The following ERN2 variants were observed in gnomAD, a reference collection of about 807,000 sequenced individuals.
ERN2 encodes the protein serine/threonine-protein kinase/endoribonuclease IRE2.
In ERN2, 111 loss-of-function variants were observed where a neutral mutation model predicts 107.9. The observed-to-expected ratio is 1.03, with a 90% CI of 0.88 to 1.20. ERN2 has a LOEUF of 1.20. ERN2 is among the 50% of genes most tolerant of loss of function. The pLI is 0.00. For missense variants in ERN2, 1,225 were observed against 1,197.9 expected (o/e 1.02, Z -0.33); for synonymous variants, 524 against 501.7 (o/e 1.04, Z -0.59).
chr16:23,710,628 T>C, intron 2 of ERN2, 79 bp from the exon 3 acceptor site: 2 of 1,497,376 alleles, frequency 1.3e-6, no homozygotes, highest in Non-Finnish European at 1.9e-6. Flanking sequence ...CACTGAGCTA[T>C]GGCATGACTG....
rs1959630990 is a variant in ERN2 at position 23,692,288 on chromosome 16, T to C, written c.2144A>G (p.Tyr715Cys). ...DIFSAGCVFYYVLSGGSHPFG... is the reference protein window; with the variant it reads ...DIFSAGCVFYCVLSGGSHPFG... ...GGGGTGGCTGCCACCAGAAAGCACGTAGTAGAACACGCAGCCTGCAGAGAA... is the reference window on the plus strand; with the variant it reads ...GGGGTGGCTGCCACCAGAAAGCACGCAGTAGAACACGCAGCCTGCAGAGAA... The change falls in exon 18 of 22, where the codon TAC (tyrosine) becomes TGC (cysteine). Residue 715 changes from tyrosine to cysteine, a missense_variant. Physicochemically the swap from Tyr to Cys is radical, Grantham distance 194 (BLOSUM62 -2). Transcript: ENST00000256797. 1.2e-6 allele frequency: 2 copies of C among 1,613,994 alleles called. No individual in the cohort carries two copies. Among genetic ancestry groups the C allele is most frequent in the African/African-American group, 2.7e-5 (2 of 75,028 alleles).
intron 13 of ERN2, among the ~76,000 whole-genome samples, chr16:23,699,708 C>T (rs780292369): frequency 6.6e-6 from 1 of 152,076 alleles, no homozygotes; most frequent in Non-Finnish European, 1.5e-5. Context: ...CAGGTGTAAG[C>T]CACCATGCCC....
intron 11 of ERN2, 33 bp from the exon 12 acceptor site, chr16:23,701,147 C>G (rs1302413934): frequency 6.3e-7 from 1 of 1,599,794 alleles, no homozygotes; most frequent in Non-Finnish European, 8.5e-7. Flanking sequence ...TTTTAGCACC[C>G]CCTTCCACCA....
intron 11 of ERN2, 52 bp from the exon 12 acceptor site, chr16:23,701,166 C>T (rs772582623): frequency 1.3e-6 from 2 of 1,575,460 alleles, no homozygotes. Context: ...CAGGGAACCC[C>T]TAACTTTTCT....
chr16:23,692,691 C>T (rs925100608), intron 17 of ERN2, among the ~76,000 whole-genome samples: 8 of 151,718 alleles, frequency 5.3e-5, no homozygotes, highest in African/African-American at 1.7e-4. Context: ...TAGCTTCAAC[C>T]GGTTGTCACC....
chr16:23,695,288 T>A lies in ERN2; in HGVS notation c.1712A>T (p.His571Leu), dbSNP rs1959763720. 6.2e-7 allele frequency: 1 copy of A among 1,613,878 alleles called. No homozygotes were observed. Among genetic ancestry groups the A allele is most frequent in the African/African-American group, 1.3e-5 (1 of 74,974 alleles). ...GCAGAAGTAGCGGAGCACGTTGGGG[T>A]GCCTGTCAGACTCCTGCAGCAGTTG... Reference protein sequence around the residue: ...EVQLLQESDRHPNVLRYFCTE... With the variant: ...EVQLLQESDRLPNVLRYFCTE... The change falls in exon 15 of 22, where the codon CAC becomes CTC. Residue 571 changes from histidine (H) to leucine (L), a missense_variant. Coordinates refer to ENST00000256797, the MANE Select transcript of ERN2 (RefSeq NM_033266.4).
In ERN2 at chr16:23,701,033, C is replaced by G; in HGVS notation, c.1285G>C (p.Gly429Arg). 6.2e-7 allele frequency: 1 copy of G among 1,614,048 alleles called. No homozygotes were observed. The highest frequency in any genetic ancestry group is 2.2e-5 in the East Asian group (1 of 44,872). The change falls in exon 12 of 22, where the codon GGA (glycine) becomes CGA (arginine). Residue 429 changes from glycine (G) to arginine (R), a missense_variant. Physicochemically the swap from Gly to Arg is moderately radical, Grantham distance 125 (BLOSUM62 -2). Transcript: ENST00000256797. ...EKTPDSYLGL[G>R]PQDLLAASLT... ...CTAGCTGCCAGCAGGTCTTGGGGTC[C>G]CAGCCCCAAGTAAGAGTCTGGAGTT...
chr16:23,706,249 G>C (rs773895571), intron 7 of ERN2, 81 bp downstream of exon 7: 5 of 962,020 alleles, frequency 5.2e-6, no homozygotes, highest in Non-Finnish European at 6.1e-6. Context: ...ATGTGGCTGG[G>C]AATTGGTCAT....
chr16:23,705,188 T>A (rs374197545), intron 7 of ERN2, 41 bp from the exon 8 acceptor site: 1 of 1,600,908 alleles, frequency 6.2e-7, no homozygotes, highest in Non-Finnish European at 8.5e-7. Context: ...TTGGAAGCTC[T>A]CCTAAGAGGG....
chr16:23,701,018 G>A lies in ERN2; in HGVS notation c.1300C>T (p.Leu434=). Residue 434 remains leucine (L), a synonymous_variant, in exon 12 of 22, where the codon CTG becomes TTG. Transcript: ENST00000256797. ...SYLGLGPQDL[L]AASLTAVLLG... Reference sequence around the variant, plus strand: ...AGGACAGCAGTGAGGCTAGCTGCCAGCAGGTCTTGGGGTCCCAGCCCCAAG... The same window carrying A: ...AGGACAGCAGTGAGGCTAGCTGCCAACAGGTCTTGGGGTCCCAGCCCCAAG... 6.2e-7 allele frequency: 1 copy of A among 1,614,202 alleles called. No individual in the cohort carries two copies. The highest frequency in any genetic ancestry group is 8.5e-7 in the Non-Finnish European group (1 of 1,180,024).
chr16:23,705,694 C>G (rs1960276737), intron 7 of ERN2, among the ~76,000 whole-genome samples: 1 of 152,162 alleles, frequency 6.6e-6, no homozygotes, highest in South Asian at 2.1e-4. Flanking sequence ...AGGAGGATTA[C>G]TTAAGCCCAG....
chr16:23,703,610 C>G (rs898659952), intron 8 of ERN2, among the ~76,000 whole-genome samples: 6 of 152,302 alleles, frequency 3.9e-5, no homozygotes, highest in African/African-American at 1.4e-4. Flanking sequence ...CCTTAAAACT[C>G]TCCAGTGACT....
Position 23,706,798 on chromosome 16 carries a change from G to T in ERN2, c.443C>A (p.Thr148Asn), listed in dbSNP as rs368309546. The change falls in exon 6 of 22, where the codon ACC becomes AAC. Residue 148 changes from threonine (T) to asparagine (N), a missense_variant. By Grantham distance (65) the Thr-to-Asn change is moderately conservative. Transcript: ENST00000256797. ...GCGGGGGGTGGAGGGACCCTCTGTG[G>T]TCAGTGTCATCTGGGTCTCCCCTGA... Reference protein sequence around the residue: ...PESGETQMTLTTEGPSTPRLY... With the variant: ...PESGETQMTLNTEGPSTPRLY... The T allele has an allele frequency of 9.7e-5, 156 of 1,613,116 alleles. No homozygotes were observed. Among genetic ancestry groups the T allele is most frequent in the Non-Finnish European group, 1.3e-4 (152 of 1,179,700 alleles).
At chr16:23,704,279 T>C (rs973753112) in intron 8 of ERN2, among the ~76,000 whole-genome samples, 6 of 152,220 alleles carry the variant, frequency 3.9e-5, no homozygotes, top group African/African-American at 1.4e-4. Flanking sequence ...AGTCCCCCTC[T>C]GATATGGTTT....
chr16:23,700,491 T>C (rs1168764449), intron 13 of ERN2, 48 bp downstream of exon 13: 7 of 1,547,724 alleles, frequency 4.5e-6, no homozygotes, highest in African/African-American at 1.4e-5. Context: ...AATCTGCCCC[T>C]GGCTTTTCTC....
In ERN2 at chr16:23,691,138, C is replaced by G. The variant is rs768466483; in HGVS notation, c.2559G>C (p.Val853=). The G allele has an allele frequency of 6.6e-5, 107 of 1,613,942 alleles. 1 individual carries two copies. The South Asian group carries it at 9.7e-4, about 15-fold the overall frequency. The change falls in exon 21 of 22, where the codon GTG becomes GTC. Residue 853 remains valine (V), a synonymous_variant. Coordinates refer to ENST00000256797, the MANE Select transcript of ERN2 (RefSeq NM_033266.4). ...AGGCCCCAACACATACCTTGTTCCT[C>G]ACAGCACGGAGCAGGTCTCGCACTG... ...GTSVRDLLRA[V]RNKKHHYREL... is the part of the protein sequence containing the mutation.
intron 6 of ERN2, 105 bp from the exon 7 acceptor site, chr16:23,706,536 C>A: frequency 1.1e-6 from 1 of 884,684 alleles, no homozygotes; most frequent in Non-Finnish European, 1.8e-6. Context: ...AGCACACAGC[C>A]TAGAGACCTG....
intron 8 of ERN2, among the ~76,000 whole-genome samples, chr16:23,703,600 C>T (rs998751643): frequency 3.9e-5 from 6 of 152,198 alleles, no homozygotes; most frequent in Admixed American, 2.0e-4. Flanking sequence ...TCACTTCCTT[C>T]CTTAAAACTC....
intron 8 of ERN2, 42 bp downstream of exon 8, chr16:23,704,841 C>T (rs1275420067): frequency 6.3e-7 from 1 of 1,591,672 alleles, no homozygotes; most frequent in South Asian, 1.1e-5. Context: ...TTGCGACACT[C>T]CCAGATGGCT....
Sources: gnomAD v4.1 joint callset for allele counts (sites outside exome capture counted in the v4.1 genomes callset) on GRCh38, gnomAD v4.1.1 for gene constraint, MANE v1.5 for transcripts, NCBI Gene and HGNC (gene_info 2026-07-23, HGNC 2026-07-21) for gene names.